The following ZNF534 variants were observed in gnomAD, a reference collection of about 807,000 sequenced individuals.
ZNF534 encodes the protein KRAB domain only 3.
A neutral mutation model predicts 13.6 loss-of-function variants in ZNF534; 19 were observed. That is an observed-to-expected ratio of 1.40 (90% confidence interval 0.97 to 2.05). The LOEUF (loss-of-function observed/expected upper bound fraction) is 2.05, where lower values mean the gene tolerates loss of function less well. Ranked by LOEUF, ZNF534 falls within the 30% of genes most tolerant of loss-of-function variation. ZNF534 has a pLI of 0.00. For missense variants in ZNF534, 782 were observed against 796.3 expected, an observed-to-expected ratio of 0.98 and a Z score of 0.22; for synonymous variants, 244 against 273.8, an observed-to-expected ratio of 0.89 and a Z score of 1.07.
Position 52,430,023 on chromosome 19 carries a change from T to TGGGG in ZNF534, c.-68+782_-68+783insGGGG, listed in dbSNP as rs1189917303. On this transcript the variant is annotated intron_variant, in intron 1 of 4. Coordinates refer to ENST00000433050, the MANE Select transcript of ZNF534 (RefSeq NM_001143938.3). ...TGATTGATGCTGACAATTTTTTTTT[T>TGGGG]GGGTTTTTTTGAGACAGAGTCTCAC... Among the ~76,000 whole-genome samples, 1,266 of 151,452 alleles carry TGGGG rather than the reference T, an allele frequency of 8.4e-3. 22 individuals are homozygous for TGGGG. The highest frequency in any genetic ancestry group is 0.037 in the Middle Eastern group (11 of 294).
downstream of ZNF534, among the ~76,000 whole-genome samples, chr19:52,442,869 T>C (rs924906386): frequency 6.6e-6 from 1 of 152,228 alleles, no homozygotes; most frequent in South Asian, 2.1e-4. Context: ...GAGAATAACA[T>C]AAAATGATGA....
intron 4 of ZNF534, among the ~76,000 whole-genome samples, chr19:52,436,265 T>G (rs935744385): frequency 3.9e-5 from 6 of 152,154 alleles, no homozygotes; most frequent in African/African-American, 1.2e-4. Context: ...ACTTTCAGTA[T>G]CACTTCACTG....
intron 4 of ZNF534, chr19:52,451,086 C>G (rs2059212743): frequency 1.1e-5 from 5 of 459,646 alleles, no homozygotes; most frequent in South Asian, 2.4e-5. Flanking sequence ...TGATCATATA[C>G]ACAATATTAA....
At chr19:52,448,928 C>G (rs1420324849) in intron 4 of ZNF534, among the ~76,000 whole-genome samples, 1 of 152,156 alleles carries the variant, frequency 6.6e-6, no homozygotes, top group Non-Finnish European at 1.5e-5. Flanking sequence ...TATAGTCACC[C>G]TACTATGTTA....
rs117322928 is a variant in ZNF534, at chr19:52,433,309, C to G, written c.16-646C>G. Among the ~76,000 whole-genome samples, 645 of 148,472 alleles carry G rather than the reference C, an allele frequency of 4.3e-3. 42 individuals carry two copies. The East Asian group carries it at 0.12, about 27-fold the overall frequency. ...TCATCTCTGAAGACACTACTTGTAT[C>G]TCAGGTAGATACTAAATGTCACTTG... On this transcript the variant is annotated intron_variant, in intron 2 of 4. Transcript: ENST00000433050.
In ZNF534 at chr19:52,439,273, CTT is replaced by C. The variant is rs1291262761; in HGVS notation, c.1815_1816del (p.Tyr606GlnfsTer3). 6.4e-7 allele frequency: 1 copy of C among 1,567,300 alleles called. No homozygotes were observed. Among genetic ancestry groups the C allele is most frequent in the Non-Finnish European group, 8.7e-7 (1 of 1,155,738 alleles). On this transcript the variant is annotated frameshift_variant, in exon 5 of 5. Transcript: ENST00000433050. LOFTEE classifies it low-confidence loss of function (END_TRUNC). ...RHRKIHTGEK[L>X]YKCNECSKVF... is the part of the protein sequence containing the mutation. The stretch of plus-strand genomic sequence containing the variant: ...TAGGAAAATTCATACTGGAGAGAAG[CTT>C]TACAAATGTAATGAATGTAGCAAGG...
At chr19:52,449,362 CTCTCTCTCTCTCTCTT>C (rs1221161739) in intron 4 of ZNF534, among the ~76,000 whole-genome samples, 2 of 151,200 alleles carry the variant, frequency 1.3e-5, no homozygotes, top group Non-Finnish European at 3.0e-5. Context: ...CATTCTCTCT[CTCTCTCTCTCTCTCTT>C]TCTCTCTTTC....
chr19:52,445,412 G>C (rs983726672), downstream of ZNF534, among the ~76,000 whole-genome samples: 3 of 152,070 alleles, frequency 2.0e-5, no homozygotes, highest in African/African-American at 7.2e-5. Context: ...GGCCAGGCTG[G>C]TCTCGAACTC....
chr19:52,430,508 G>A (rs1018452752), intron 1 of ZNF534, among the ~76,000 whole-genome samples: 3 of 152,036 alleles, frequency 2.0e-5, no homozygotes, highest in Non-Finnish European at 4.4e-5. Context: ...GGGCTGAGGG[G>A]CCTGTGCTCT....
intron 4 of ZNF534, among the ~76,000 whole-genome samples, chr19:52,436,329 C>A (rs1164893520): frequency 6.6e-6 from 1 of 152,166 alleles, no homozygotes; most frequent in Non-Finnish European, 1.5e-5. Context: ...TATACAGTTT[C>A]CTATTATATG....
exon 5 of ZNF534, chr19:52,451,600 C>T: frequency 1.6e-6 from 1 of 639,484 alleles, no homozygotes; most frequent in South Asian, 1.9e-5. Context: ...ACGATCTGTA[C>T]AGTGCCTGTG....
chr19:52,432,144 G>A (rs2059091972), intron 2 of ZNF534, among the ~76,000 whole-genome samples: 1 of 151,816 alleles, frequency 6.6e-6, no homozygotes. Context: ...GATGATATGA[G>A]GCATCATACC....
chr19:52,449,150 C>T lies in ZNF534; in HGVS notation c.272-2037C>T, dbSNP rs534995081. Among the ~76,000 whole-genome samples, 22 of 152,316 alleles carry T rather than the reference C, an allele frequency of 1.4e-4. No homozygotes were observed. In the South Asian group the frequency reaches 2.9e-3, roughly 20 times the overall value. ...ATTTTATTTAACATAATGACCTCCA[C>T]TTTGACCCATGTTGCTGCCGCAAAT... On this transcript the variant is annotated intron_variant, in intron 4 of 4. Coordinates refer to the ZNF534 transcript ENST00000301085.
In ZNF534 at chr19:52,450,676, TTTTTTTTTGTTTTTGTTTTTG is replaced by T. The variant is rs1273210046; in HGVS notation, c.272-502_272-482del. 1.4e-3 allele frequency among the ~76,000 whole-genome samples: 47 copies of T among 32,532 alleles called. 5 individuals carry two copies. In the South Asian group the frequency reaches 0.023, roughly 16 times the overall value. 21.3% of individuals were successfully genotyped at this position (32,532 alleles called of 152,430 possible). On this transcript the variant is annotated intron_variant, in intron 4 of 4. Coordinates refer to the ZNF534 transcript ENST00000301085. ...TTCCCTATGAATTTTAGGAGTTTTT[TTTTTTTTTGTTTTTGTTTTTG>T]TTTTTTTTTTTTAGACAAGGTCTCT...
chr19:52,435,027 G>T, intron 3 of ZNF534, 54 bp from the exon 4 acceptor site: 1 of 1,582,838 alleles, frequency 6.3e-7, no homozygotes, highest in Admixed American at 1.8e-5. Flanking sequence ...TAAATATAGG[G>T]CTTGGACTTT....
chr19:52,433,765 T>C, intron 2 of ZNF534, 190 bp from the exon 3 acceptor site: 1 of 684,402 alleles, frequency 1.5e-6, no homozygotes, highest in Non-Finnish European at 2.6e-6. Flanking sequence ...ATTTAAAGAA[T>C]GTCATCACTC....
rs2059159816 is a variant in ZNF534, at chr19:52,439,751, C to T, written c.*305C>T. On this transcript the variant is annotated 3_prime_UTR_variant, in exon 5 of 5. Transcript: ENST00000433050. ...CAGCCTAGGTGACAGAGTGAAACTC[C>T]ATCTCAAAAAAAGAAAAAAAAAAAA... Among the ~76,000 whole-genome samples, 3 of 79,526 alleles carry T rather than the reference C, an allele frequency of 3.8e-5. No homozygotes were observed. The Admixed American group carries it at 4.9e-4, about 13-fold the overall frequency. 52.2% of individuals were successfully genotyped at this position (79,526 alleles called of 152,430 possible).
At chr19:52,432,501 T>C (rs570711771) in intron 2 of ZNF534, among the ~76,000 whole-genome samples, 6 of 152,192 alleles carry the variant, frequency 3.9e-5, no homozygotes, top group Non-Finnish European at 5.9e-5. Flanking sequence ...TTCATTGGCT[T>C]TTGTTGCTGT....
chr19:52,438,433 CCTT>C lies in ZNF534; in HGVS notation c.974_976del (p.Pro325_Tyr326delinsHis). 2 of 1,612,730 alleles carry C rather than the reference CCTT, an allele frequency of 1.2e-6. No individual in the cohort carries two copies. The highest frequency in any genetic ancestry group is 1.7e-6 in the Non-Finnish European group (2 of 1,179,292). ...TCTTGTAATCCATACTGGAGAGAAACCTTATGATTGTAAGGAATGTGGCAAGGT... is the reference window on the plus strand; with the variant it reads ...TCTTGTAATCCATACTGGAGAGAAACATGATTGTAAGGAATGTGGCAAGGT... On this transcript the variant is annotated inframe_deletion, in exon 5 of 5. Transcript: ENST00000433050.
Sources: gnomAD v4.1 joint callset for allele counts (sites outside exome capture counted in the v4.1 genomes callset) on GRCh38, gnomAD v4.1.1 for gene constraint, MANE v1.5 for transcripts, NCBI Gene and HGNC (gene_info 2026-07-23, HGNC 2026-07-21) for gene names.